TEX11: variants seen among roughly 807,000 people sequenced by gnomAD.
The protein encoded by TEX11 is testis-expressed protein 11.
Under a neutral mutation model 84.4 loss-of-function variants are expected in TEX11, and 7 were observed. The observed-to-expected ratio is 0.08, with a 90% CI of 0.05 to 0.16. The LOEUF (loss-of-function observed/expected upper bound fraction) is 0.16. Among genes scored for constraint, TEX11 ranks in the 10% least tolerant of loss-of-function variants. The pLI, the probability that TEX11 is intolerant of heterozygous loss-of-function variation, is 1.00. For synonymous variants in TEX11, 264 were observed against 222.8 expected (o/e 1.18, Z -1.64); for missense variants, 551 against 660.5 (o/e 0.83, Z 1.82).
rs967911703 is a variant in TEX11 at position 70,738,607 on chromosome X, C to G, written c.843+2094G>C. Reference sequence around the variant, plus strand: ...AGCAATCCCATTACTGGGTATATACCCGAAGGATTATAAGTCATTCTGCTG... The same window carrying G: ...AGCAATCCCATTACTGGGTATATACGCGAAGGATTATAAGTCATTCTGCTG... On this transcript the variant is annotated intron_variant, in intron 11 of 29. Coordinates refer to ENST00000374333, the MANE Select transcript of TEX11 (RefSeq NM_031276.3). Among the ~76,000 whole-genome samples the G allele has an allele frequency of 1.2e-4, 13 of 111,643 alleles. 1 individual carries two copies. The highest frequency in any genetic ancestry group is 3.9e-4 in the African/African-American group (12 of 30,739).
intron 14 of TEX11, among the ~76,000 whole-genome samples, chrX:70,679,731 TGGGGGGGTC>T (rs2147652901): frequency 1.0e-5 from 1 of 95,679 alleles, no homozygotes; most frequent in East Asian, 3.7e-4. Flanking sequence ...GGCAGGGAGG[TGGGGGGGTC>T]AGCCCCCCGC....
chrX:70,807,224 G>T (rs2091224415), intron 8 of TEX11, among the ~76,000 whole-genome samples: 1 of 106,772 alleles, frequency 9.4e-6, no homozygotes, highest in South Asian at 4.0e-4. Flanking sequence ...CACTATTGAC[G>T]AGGAGTGAGG....
At chrX:70,873,183 G>T in intron 4 of TEX11, 40 bp downstream of exon 4, 1 of 794,689 alleles carries the variant, frequency 1.3e-6, no homozygotes, top group Non-Finnish European at 1.9e-6. Context: ...TATATAGTAA[G>T]AACACGCCTC....
At chrX:70,527,526 T>G (rs962441738), downstream of TEX11, among the ~76,000 whole-genome samples, 7 of 112,118 alleles carry the variant, frequency 6.2e-5, no homozygotes, top group East Asian at 1.7e-3. Context: ...AAGGAAAGAT[T>G]GAGGAATCAT....
chrX:70,745,221 T>G (rs1020785635), intron 9 of TEX11, among the ~76,000 whole-genome samples: 2 of 109,932 alleles, frequency 1.8e-5, no homozygotes, highest in African/African-American at 6.6e-5. Flanking sequence ...AAATTTGATT[T>G]TCAGTTCTCT....
Position 70,785,784 on chromosome X carries a change from C to A in TEX11, c.692+20921G>T, listed in dbSNP as rs889539726. On this transcript the variant is annotated intron_variant, in intron 9 of 29. Coordinates refer to ENST00000374333, the MANE Select transcript of TEX11 (RefSeq NM_031276.3). The stretch of plus-strand genomic sequence containing the variant: ...CCACAATGAGATACCATCTCACACC[C>A]GTTAGAATAGAGATCATTAAAAAGT... Among the ~76,000 whole-genome samples the A allele has an allele frequency of 1.6e-4, 18 of 111,618 alleles. 1 individual carries two copies. The highest frequency in any genetic ancestry group is 4.2e-4 in the African/African-American group (13 of 30,748).
intron 13 of TEX11, among the ~76,000 whole-genome samples, chrX:70,718,401 G>T (rs907894652): frequency 1.8e-5 from 2 of 112,150 alleles, no homozygotes; most frequent in Non-Finnish European, 3.8e-5. Context: ...GCACAGAAAA[G>T]TAAGCCGGAT....
At chrX:70,871,246 T>C (rs1190049762) in intron 4 of TEX11, among the ~76,000 whole-genome samples, 1 of 112,154 alleles carries the variant, frequency 8.9e-6, no homozygotes, top group Non-Finnish European at 1.9e-5. Flanking sequence ...TAAGAACCAC[T>C]GCTCTTTATT....
intron 8 of TEX11, among the ~76,000 whole-genome samples, chrX:70,809,760 G>A (rs956416135): frequency 1.8e-5 from 2 of 110,741 alleles, no homozygotes; most frequent in South Asian, 3.9e-4. Flanking sequence ...GCAGTGGTGC[G>A]TTCTCGGCTC....
At chrX:70,822,466 A>T (rs2091322783) in intron 8 of TEX11, among the ~76,000 whole-genome samples, 1 of 111,302 alleles carries the variant, frequency 9.0e-6, no homozygotes, top group South Asian at 3.8e-4. Flanking sequence ...CAGGATATAC[A>T]TATGCATGTA....
In TEX11 at chrX:70,876,678, T is replaced by G. The variant is rs1162770777; in HGVS notation, c.159+3310A>C. 2.7e-5 allele frequency among the ~76,000 whole-genome samples: 3 copies of G among 111,576 alleles called. No homozygotes were observed. The East Asian group carries it at 8.4e-4, about 31-fold the overall frequency. On this transcript the variant is annotated intron_variant, in intron 3 of 29. Transcript: ENST00000374333. ...TGGCTCATGCCTGTAATTCTAACAC[T>G]GGGAGGCCAAAGAGGGCAGATTGCT...
chrX:70,712,461 T>C (rs2090446460), intron 13 of TEX11, among the ~76,000 whole-genome samples: 1 of 111,557 alleles, frequency 9.0e-6, no homozygotes, highest in African/African-American at 3.3e-5. Context: ...CCTCTTTTAT[T>C]TCATTGAGCA....
chrX:70,581,950 C>T (rs1032081961), intron 25 of TEX11, among the ~76,000 whole-genome samples: 1 of 111,407 alleles, frequency 9.0e-6, no homozygotes, highest in Non-Finnish European at 1.9e-5. Flanking sequence ...TTCTCAGGAC[C>T]TCTTCGTACT....
intron 20 of TEX11, among the ~76,000 whole-genome samples, chrX:70,621,261 AC>A (rs1162085293): frequency 9.4e-6 from 1 of 106,886 alleles, no homozygotes; most frequent in Non-Finnish European, 1.9e-5. Flanking sequence ...GGTGGCTCAC[AC>A]CTGTAATCCC....
chrX:70,569,719 C>T (rs1248616612), intron 25 of TEX11, among the ~76,000 whole-genome samples: 5 of 111,568 alleles, frequency 4.5e-5, no homozygotes, highest in East Asian at 2.8e-4. Flanking sequence ...TGCAGAACAG[C>T]GGATTTTCGT....
intron 25 of TEX11, among the ~76,000 whole-genome samples, chrX:70,572,828 A>C (rs1469005760): frequency 4.8e-5 from 4 of 83,989 alleles, no homozygotes; most frequent in East Asian, 4.3e-4. Flanking sequence ...AGGAAGGGGA[A>C]CATCACACAC....
intron 4 of TEX11, among the ~76,000 whole-genome samples, chrX:70,872,528 T>C (rs895126861): frequency 8.9e-6 from 1 of 112,517 alleles, no homozygotes; most frequent in Admixed American, 9.4e-5. Context: ...ATTGGCAATA[T>C]ACTTCCCATA....
chrX:70,665,926 C>T (rs1284503230), intron 16 of TEX11, among the ~76,000 whole-genome samples: 1 of 111,941 alleles, frequency 8.9e-6, no homozygotes, highest in Non-Finnish European at 1.9e-5. Context: ...CCAAATTATG[C>T]ATAGTAGCAA....
At chrX:70,714,274 T>A (rs1471978551) in intron 13 of TEX11, among the ~76,000 whole-genome samples, 2 of 111,466 alleles carry the variant, frequency 1.8e-5, no homozygotes, top group Admixed American at 1.9e-4. Flanking sequence ...TTCTGTTGAT[T>A]TGGGATGGAG....
Sources: gnomAD v4.1 joint callset for allele counts (sites outside exome capture counted in the v4.1 genomes callset) on GRCh38, gnomAD v4.1.1 for gene constraint, MANE v1.5 for transcripts, NCBI Gene and HGNC (gene_info 2026-07-23, HGNC 2026-07-21) for gene names.